PTGFRN: variants seen among roughly 807,000 people sequenced by gnomAD.
The protein encoded by PTGFRN is prostaglandin F2 receptor inhibitor.
A neutral mutation model predicts 83.2 loss-of-function variants in PTGFRN; 35 were observed. The ratio of observed to expected loss-of-function variants is 0.42; its 90% CI spans 0.32 to 0.56. The LOEUF (loss-of-function observed/expected upper bound fraction) is 0.56. Among genes scored for constraint, PTGFRN ranks in the 20% least tolerant of loss-of-function variants. The pLI, the probability that PTGFRN is intolerant of heterozygous loss-of-function variation, is 0.11. For synonymous variants in PTGFRN, 519 were observed against 498.6 expected, an observed-to-expected ratio of 1.04 and a Z score of -0.55; for missense variants, 1,051 against 1,179.5, an observed-to-expected ratio of 0.89 and a Z score of 1.60.
Position 116,918,691 on chromosome 1 carries a change from G to A in PTGFRN, c.49+8439G>A, listed in dbSNP as rs1570643475. Among the ~76,000 whole-genome samples, 1 of 152,222 alleles carries A rather than the reference G, an allele frequency of 6.6e-6. No individual in the cohort carries two copies. The highest frequency in any genetic ancestry group is 2.1e-4 in the South Asian group (1 of 4,828). ...GGCTGGACCCCACGGGAATGTGACA[G>A]TCATTCAGTTAGCAGTGAAGGATGG... is the stretch of plus-strand genomic sequence containing the variant. On this transcript the variant is annotated intron_variant, in intron 1 of 8. Coordinates refer to ENST00000393203, the MANE Select transcript of PTGFRN (RefSeq NM_020440.4). This position sits in a 1 kb window ranked among gnomAD's most constrained non-coding sequence, Gnocchi z 4.1.
intron 1 of PTGFRN, among the ~76,000 whole-genome samples, chr1:116,919,981 A>G (rs1423940189): frequency 6.6e-6 from 1 of 152,194 alleles, no homozygotes; most frequent in African/African-American, 2.4e-5. Context: ...TTCCATCTCC[A>G]GAATTCTTTG....
At chr1:116,930,504 A>G (rs1011553301) in intron 1 of PTGFRN, among the ~76,000 whole-genome samples, 1 of 152,144 alleles carries the variant, frequency 6.6e-6, no homozygotes, top group African/African-American at 2.4e-5. Flanking sequence ...AATATCTTCT[A>G]GGGGTTTCCA....
chr1:116,942,012 A>G lies in PTGFRN; in HGVS notation c.347A>G (p.His116Arg). Residue 116 changes from histidine (H) to arginine (R), a missense_variant, in exon 2 of 9, where the codon CAC (histidine) becomes CGC (arginine). By Grantham distance (29) the His-to-Arg change is conservative (BLOSUM62 0). Around this residue, in one of 3 missense-constraint regions of PTGFRN, gnomAD observed 127 missense variants for 168.4 expected, o/e 0.75. Transcript: ENST00000393203. ...AACGTCCAGCCTTCAGACCAAGGCC[A>G]CTACAAATGTTCAACCCCCAGCACA... ...IKNVQPSDQG[H>R]YKCSTPSTDA... The G allele has an allele frequency of 6.2e-7, 1 of 1,614,200 alleles. No individual in the cohort carries two copies. The highest frequency in any genetic ancestry group is 1.1e-5 in the South Asian group (1 of 91,086).
rs1336800775 is a variant in PTGFRN, at chr1:116,946,997, TTGC to T, written c.832+1907_832+1909del. Among the ~76,000 whole-genome samples, 4 of 152,354 alleles carry T rather than the reference TTGC, an allele frequency of 2.6e-5. No individual in the cohort carries two copies. The East Asian group carries it at 7.7e-4, about 29-fold the overall frequency. ...ACACAGGTAATACTACACTGGTTTG[TTGC>T]TTACTTTCACAGTGGGAGGAGATGC... On this transcript the variant is annotated intron_variant, in intron 3 of 8. Transcript: ENST00000393203.
At position 116,944,666 on chromosome 1, in the gene PTGFRN, T is replaced by C. The variant is rs1650140625; in HGVS notation, c.419-13T>C. The C allele has an allele frequency of 2.1e-6, 3 of 1,406,230 alleles. No homozygotes were observed. Among genetic ancestry groups the C allele is most frequent in the Non-Finnish European group, 1.9e-6 (2 of 1,079,938 alleles). The allele number at this position is 1,406,230 out of a possible 1,614,324, so 87.1% of individuals were successfully genotyped here. A position where few individuals can be genotyped will look rare whatever the true frequency, so the allele number is the denominator to read the frequency against. On this transcript the variant is annotated splice_polypyrimidine_tract_variant and intron_variant, in intron 2 of 8. Transcript: ENST00000393203. ...TGTGGACGGGCTACTGACCTAGCTTTCTCTCTCCGCAGTGCTGGCCGACTC... is the reference window on the plus strand; with the variant it reads ...TGTGGACGGGCTACTGACCTAGCTTCCTCTCTCCGCAGTGCTGGCCGACTC...
chr1:116,981,576 A>C (rs185323475), intron 7 of PTGFRN, among the ~76,000 whole-genome samples: 2 of 152,330 alleles, frequency 1.3e-5, no homozygotes, highest in Non-Finnish European at 2.9e-5. Context: ...AGAGGCCTGG[A>C]TGCCACCACC....
chr1:116,948,157 G>C (rs900584866), intron 3 of PTGFRN, among the ~76,000 whole-genome samples: 31 of 152,196 alleles, frequency 2.0e-4, no homozygotes, highest in Admixed American at 1.6e-3. Context: ...GAATCCCCTG[G>C]GAAGTGCTTG....
chr1:116,982,513 G>T (rs1651348242), intron 7 of PTGFRN, among the ~76,000 whole-genome samples: 1 of 152,140 alleles, frequency 6.6e-6, no homozygotes, highest in South Asian at 2.1e-4. Context: ...GGGGACAGCA[G>T]ACTTTGGCCC....
chr1:116,944,723 C>T lies in PTGFRN; in HGVS notation c.463C>T (p.Pro155Ser). Residue 155 changes from proline to serine, a missense_variant, in exon 3 of 9, where the codon CCG (proline) becomes TCG (serine). Transcript: ENST00000393203. The stretch of plus-strand genomic sequence containing the variant: ...CGTGGGCCCCAGCGCGCGGCCCCCG[C>T]CGAGCCTGAGCCTGCGGGAGGGGGA... ...LHVGPSARPP[P>S]SLSLREGEPF... The T allele has an allele frequency of 6.8e-7, 1 of 1,460,894 alleles. No homozygotes were observed. The highest frequency in any genetic ancestry group is 9.0e-7 in the Non-Finnish European group (1 of 1,114,316). The allele number at this position is 1,460,894 out of a possible 1,614,324, so 90.5% of individuals were successfully genotyped here.
Position 116,961,405 on chromosome 1 carries a change from T to A in PTGFRN, c.1376T>A (p.Val459Glu), listed in dbSNP as rs1650659061. The change falls in exon 5 of 9, where the codon GTG (valine) becomes GAG (glutamate). Residue 459 changes from valine to glutamate, a missense_variant. Around this residue, in one of 3 missense-constraint regions of PTGFRN, gnomAD observed 719 missense variants for 836.6 expected, o/e 0.86. Transcript: ENST00000393203. This position sits in a 1 kb window ranked among gnomAD's most constrained non-coding sequence, Gnocchi z 5.4. ...YRMNRRSDNVVTSELLAVMDG... is the reference protein window; with the variant it reads ...YRMNRRSDNVETSELLAVMDG... ...ATGAACCGGCGCAGCGACAATGTGG[T>A]GACCAGCGAGCTGCTTGCAGTCATG... The A allele has an allele frequency of 1.2e-6, 2 of 1,613,756 alleles. No individual in the cohort carries two copies. Among genetic ancestry groups the A allele is most frequent in the Middle Eastern group, 1.7e-4 (1 of 6,054 alleles).
At chr1:116,985,069 C>A (rs1570683372) in intron 8 of PTGFRN, 84 bp downstream of exon 8, 3 of 1,410,260 alleles carry the variant, frequency 2.1e-6, no homozygotes, top group South Asian at 2.6e-5. Context: ...CAGGTGGCCA[C>A]AGTTTGAGGA....
intron 1 of PTGFRN, among the ~76,000 whole-genome samples, chr1:116,917,029 T>C (rs796814528): frequency 2.0e-5 from 3 of 152,038 alleles, no homozygotes; most frequent in African/African-American, 7.2e-5. Flanking sequence ...GAGAGCACGC[T>C]GTCGGAAGCC....
intron 1 of PTGFRN, among the ~76,000 whole-genome samples, chr1:116,925,408 CAG>C (rs1267577543): frequency 6.7e-6 from 1 of 150,254 alleles, no homozygotes; most frequent in Non-Finnish European, 1.5e-5. Context: ...GCCTGGGCGA[CAG>C]AGAGAGACTC....
In PTGFRN at chr1:116,914,003, T is replaced by G. The variant is rs55928027; in HGVS notation, c.49+3751T>G. ...TCAAATGATATAAAAGGACTTTGTA[T>G]TAATCAGGTAGGCTAAACTGCTCTA... On this transcript the variant is annotated intron_variant, in intron 1 of 8. Transcript: ENST00000393203. Among the ~76,000 whole-genome samples, 1,103 of 152,346 alleles carry G rather than the reference T, an allele frequency of 7.2e-3. 11 individuals are homozygous for G. The highest frequency in any genetic ancestry group is 0.025 in the African/African-American group (1,033 of 41,580).
chr1:116,986,865 G>C lies in PTGFRN; in HGVS notation c.2538G>C (p.Leu846=), dbSNP rs532794609. The change falls in exon 9 of 9, where the codon CTG becomes CTC. Residue 846 remains leucine (L), a synonymous_variant. Coordinates refer to ENST00000393203, the MANE Select transcript of PTGFRN (RefSeq NM_020440.4). ...GTCTGTCCACGGTCATCGGGCTCCT[G>C]TCCTGTCTCATCGGGTACTGCAGCT... ...GVGLSTVIGL[L]SCLIGYCSSH... is the part of the protein sequence containing the mutation. 4.2e-5 allele frequency: 67 copies of C among 1,614,080 alleles called. No homozygotes were observed. In the South Asian group the frequency reaches 6.6e-4, roughly 16 times the overall value.
Position 116,930,187 on chromosome 1 carries a change from TAAAG to T in PTGFRN, c.50-11524_50-11521del, listed in dbSNP as rs1382537635. 4.6e-5 allele frequency among the ~76,000 whole-genome samples: 7 copies of T among 152,382 alleles called. No individual in the cohort carries two copies. In the South Asian group the frequency reaches 1.4e-3, roughly 32 times the overall value. ...GGAGCAAGTAGATGAGTAATGTTCA[TAAAG>T]AAACAGTAAGTGTTACTTCAAACCC... On this transcript the variant is annotated intron_variant, in intron 1 of 8. Coordinates refer to ENST00000393203, the MANE Select transcript of PTGFRN (RefSeq NM_020440.4).
Position 116,974,204 on chromosome 1 carries a change from CT to C in PTGFRN, c.2060-5del, listed in dbSNP as rs768685704. On this transcript the variant is annotated splice_polypyrimidine_tract_variant and intron_variant, in intron 6 of 8. Transcript: ENST00000393203. The stretch of plus-strand genomic sequence containing the variant: ...AAAGAGAATAATGAGGCTGGCATTA[CT>C]TTTTTTCCAGGTCCTATATTTAATG... 1.3e-5 allele frequency: 21 copies of C among 1,567,498 alleles called. No homozygotes were observed. Among genetic ancestry groups the C allele is most frequent in the African/African-American group, 4.1e-5 (3 of 73,936 alleles).
At chr1:116,916,012 T>C (rs138248262) in intron 1 of PTGFRN, among the ~76,000 whole-genome samples, 1 of 152,350 alleles carries the variant, frequency 6.6e-6, no homozygotes, top group East Asian at 1.9e-4. Context: ...GCAACAGAAT[T>C]AGACCCAGAA....
chr1:116,951,522 C>A (rs1650345869), intron 4 of PTGFRN, among the ~76,000 whole-genome samples: 1 of 152,216 alleles, frequency 6.6e-6, no homozygotes, highest in African/African-American at 2.4e-5. Flanking sequence ...AGTACCCACA[C>A]ATGGATTTTG....
Sources: gnomAD v4.1 joint callset for allele counts (sites outside exome capture counted in the v4.1 genomes callset) on GRCh38, gnomAD v4.1.1 for gene constraint, gnomAD v4.1.1 regional missense constraint, Gnocchi (gnomAD v3.1) non-coding constraint, MANE v1.5 for transcripts, NCBI Gene and HGNC (gene_info 2026-07-23, HGNC 2026-07-21) for gene names.